The following FRMD4A variants were observed in gnomAD, a reference collection of about 807,000 sequenced individuals.
FRMD4A encodes the protein FERM domain-containing protein 4A.
In FRMD4A, 29 loss-of-function variants were observed where a neutral mutation model predicts 129.1. That is an observed-to-expected ratio of 0.22 (90% confidence interval 0.17 to 0.31). The LOEUF (loss-of-function observed/expected upper bound fraction) is 0.31. Among genes scored for constraint, FRMD4A ranks in the 10% least tolerant of loss-of-function variants. The probability of loss-of-function intolerance (pLI) is 1.00; values close to 1 mark genes in which losing one functional copy is unlikely to be tolerated. For missense variants in FRMD4A, 1,272 were observed against 1,375.8 expected, an observed-to-expected ratio of 0.92 and a Z score of 1.19; for synonymous variants, 634 against 571.6, an observed-to-expected ratio of 1.11 and a Z score of -1.56.
intron 2 of FRMD4A, among the ~76,000 whole-genome samples, chr10:14,283,517 G>T (rs1332427545): frequency 6.6e-6 from 1 of 152,136 alleles, no homozygotes; most frequent in Non-Finnish European, 1.5e-5. Flanking sequence ...ATAAAACCCA[G>T]ATAAAAGAGA....
intron 2 of FRMD4A, among the ~76,000 whole-genome samples, chr10:14,074,102 T>C (rs906503850): frequency 1.3e-5 from 2 of 152,106 alleles, no homozygotes; most frequent in African/African-American, 4.8e-5. Context: ...CAGAGCAAGA[T>C]AGTCTCAAAA....
intron 4 of FRMD4A, among the ~76,000 whole-genome samples, chr10:13,797,005 C>A (rs1221691048): frequency 6.6e-6 from 1 of 152,210 alleles, no homozygotes; most frequent in Non-Finnish European, 1.5e-5. Context: ...CAGGCGTGAG[C>A]CACTGTGCCC....
chr10:13,971,451 T>C (rs1473691698), intron 2 of FRMD4A, among the ~76,000 whole-genome samples: 3 of 152,184 alleles, frequency 2.0e-5, no homozygotes, highest in African/African-American at 2.4e-5. Context: ...AATTAAATCA[T>C]GTTTACGGTG....
intron 2 of FRMD4A, among the ~76,000 whole-genome samples, chr10:13,899,666 G>A (rs959507783): frequency 6.6e-6 from 1 of 152,120 alleles, no homozygotes; most frequent in Non-Finnish European, 1.5e-5. Flanking sequence ...CTGTCTCTAT[G>A]ACAAAAAAGA....
At chr10:14,308,784 A>G (rs1189857548) in intron 2 of FRMD4A, among the ~76,000 whole-genome samples, 1 of 152,156 alleles carries the variant, frequency 6.6e-6, no homozygotes, top group Admixed American at 6.5e-5. Context: ...CCAGTCCCCC[A>G]TAATCACATG....
intron 2 of FRMD4A, among the ~76,000 whole-genome samples, chr10:13,873,831 C>G (rs1450746910): frequency 6.6e-6 from 1 of 151,614 alleles, no homozygotes; most frequent in East Asian, 1.9e-4. Context: ...ACAGGCTGAG[C>G]CACCGTACCT....
chr10:13,979,783 A>G (rs368847686), intron 2 of FRMD4A, among the ~76,000 whole-genome samples: 1 of 152,202 alleles, frequency 6.6e-6, no homozygotes. Flanking sequence ...TGTAATGGGA[A>G]TGTAATGACT....
At chr10:14,233,812 T>G (rs1013611600) in intron 2 of FRMD4A, among the ~76,000 whole-genome samples, 5 of 152,376 alleles carry the variant, frequency 3.3e-5, no homozygotes, top group African/African-American at 1.2e-4. Flanking sequence ...TGATTGGCTT[T>G]CGCAATTTCA....
At chr10:13,778,866 G>C (rs10796121) in intron 6 of FRMD4A, among the ~76,000 whole-genome samples, 104,522 of 152,028 alleles carry the variant, frequency 0.69, 36,390 homozygotes, top group East Asian at 0.86. Context: ...CTATCTCTTG[G>C]GTTGATGGGT....
intron 3 of FRMD4A, among the ~76,000 whole-genome samples, chr10:13,858,081 T>C (rs577012417): frequency 1.3e-4 from 20 of 152,280 alleles, no homozygotes; most frequent in African/African-American, 4.6e-4. Flanking sequence ...CGCTTAGCAC[T>C]TAGAAAGAGG....
chr10:13,836,094 T>C (rs1359515993), intron 3 of FRMD4A, among the ~76,000 whole-genome samples: 1 of 152,004 alleles, frequency 6.6e-6, no homozygotes, highest in East Asian at 1.9e-4. Context: ...GCCTCCCGGG[T>C]TCAAGGGATT....
At chr10:14,185,057 T>C (rs1029099897) in intron 2 of FRMD4A, among the ~76,000 whole-genome samples, 3 of 152,200 alleles carry the variant, frequency 2.0e-5, no homozygotes, top group Non-Finnish European at 4.4e-5. Context: ...GCCTTGATAC[T>C]TTTTCTTTGT....
intron 2 of FRMD4A, among the ~76,000 whole-genome samples, chr10:13,867,712 C>T (rs367990924): frequency 2.9e-4 from 1 of 3,498 alleles, no homozygotes; most frequent in African/African-American, 3.9e-4. Context: ...TAATAAATAA[C>T]ATATAATATA....
chr10:13,813,537 G>A (rs757930567), intron 3 of FRMD4A, among the ~76,000 whole-genome samples: 4 of 152,182 alleles, frequency 2.6e-5, no homozygotes, highest in South Asian at 2.1e-4. Context: ...ATTGTAAATC[G>A]AAAATACATT....
intron 8 of FRMD4A, among the ~76,000 whole-genome samples, chr10:13,756,872 A>T (rs2091888061): frequency 6.6e-6 from 1 of 152,238 alleles, no homozygotes; most frequent in South Asian, 2.1e-4. Context: ...CTGTTAAATT[A>T]AATTAGAATA....
chr10:13,935,967 A>G (rs2095246055), intron 2 of FRMD4A, among the ~76,000 whole-genome samples: 1 of 152,222 alleles, frequency 6.6e-6, no homozygotes, highest in Non-Finnish European at 1.5e-5. Context: ...TTCAGCTGCC[A>G]TGGTAGATTT....
intron 2 of FRMD4A, among the ~76,000 whole-genome samples, chr10:14,122,651 G>A (rs191245413): frequency 8.5e-5 from 13 of 152,050 alleles, no homozygotes; most frequent in South Asian, 4.2e-4. Context: ...ATTAGTTCTC[G>A]CGAGACCTCA....
intron 2 of FRMD4A, among the ~76,000 whole-genome samples, chr10:14,129,826 C>T (rs989947987): frequency 6.6e-6 from 1 of 152,130 alleles, no homozygotes. Flanking sequence ...AATGAGAAGT[C>T]AGTGGTTGAT....
chr10:14,165,884 G>GA (rs991076695), intron 2 of FRMD4A, among the ~76,000 whole-genome samples: 1 of 152,140 alleles, frequency 6.6e-6, no homozygotes, highest in Non-Finnish European at 1.5e-5. Flanking sequence ...GGCAAGGACT[G>GA]AAAATCTTTC....
Sources: gnomAD v4.1 joint callset for allele counts (sites outside exome capture counted in the v4.1 genomes callset) on GRCh38, gnomAD v4.1.1 for gene constraint, MANE v1.5 for transcripts, NCBI Gene and HGNC (gene_info 2026-07-23, HGNC 2026-07-21) for gene names.